ADAM9: variants seen among roughly 807,000 people sequenced by gnomAD.
ADAM9 encodes disintegrin and metalloproteinase domain-containing protein 9.
Under a neutral mutation model 108.1 loss-of-function variants are expected in ADAM9, and 54 were observed. The ratio of observed to expected loss-of-function variants is 0.50; its 90% CI spans 0.40 to 0.63. The LOEUF (loss-of-function observed/expected upper bound fraction) is 0.63, where lower values mean the gene tolerates loss of function less well. Among genes scored for constraint, ADAM9 ranks in the 20% least tolerant of loss-of-function variants. The pLI, the probability that ADAM9 is intolerant of heterozygous loss-of-function variation, is 0.00. For synonymous variants in ADAM9, 316 were observed against 336.0 expected (o/e 0.94, Z 0.65); for missense variants, 830 against 997.7 (o/e 0.83, Z 2.26).
intron 12 of ADAM9, among the ~76,000 whole-genome samples, chr8:39,051,179 G>A (rs1477826472): frequency 2.6e-5 from 4 of 152,128 alleles, no homozygotes; most frequent in Admixed American, 2.0e-4. Context: ...GAGATAGAAG[G>A]TAGTCCCTCA....
At chr8:39,000,144 C>A (rs1365125689) in intron 1 of ADAM9, among the ~76,000 whole-genome samples, 1 of 151,986 alleles carries the variant, frequency 6.6e-6, no homozygotes, top group Non-Finnish European at 1.5e-5. Context: ...CCTGCCTCAG[C>A]CTTATGCCTG....
intron 14 of ADAM9, among the ~76,000 whole-genome samples, chr8:39,064,540 A>T (rs1335205172): frequency 6.6e-6 from 1 of 152,248 alleles, no homozygotes; most frequent in Non-Finnish European, 1.5e-5. Context: ...ATGATGGTTT[A>T]GTTCCAGTCC....
intron 12 of ADAM9, among the ~76,000 whole-genome samples, chr8:39,045,277 T>C (rs991898147): frequency 7.0e-6 from 1 of 142,124 alleles, no homozygotes; most frequent in Non-Finnish European, 1.5e-5. Flanking sequence ...TATACATACA[T>C]ATGTATATGT....
At chr8:39,094,035 G>A (rs979013509) in intron 20 of ADAM9, among the ~76,000 whole-genome samples, 7 of 152,184 alleles carry the variant, frequency 4.6e-5, no homozygotes, top group Non-Finnish European at 1.0e-4. Flanking sequence ...GCCTCCCAAA[G>A]TGCTGGGATT....
chr8:39,045,536 G>A (rs1268531388), intron 12 of ADAM9, among the ~76,000 whole-genome samples: 6 of 130,754 alleles, frequency 4.6e-5, no homozygotes, highest in Non-Finnish European at 9.7e-5. Context: ...GTGCATATGT[G>A]TGTATATATG....
rs192603098 is a variant in ADAM9, at chr8:38,999,924, C to T, written c.97+2764C>T. Among the ~76,000 whole-genome samples, 9 of 152,294 alleles carry T rather than the reference C, an allele frequency of 5.9e-5. No individual in the cohort carries two copies. The East Asian group carries it at 1.5e-3, about 26-fold the overall frequency. Reference sequence around the variant, plus strand: ...TTTCTTTTTCCTTTTTGGTATGTAACATATACTGGAGGCTTGGAGTCATGC... The same window carrying T: ...TTTCTTTTTCCTTTTTGGTATGTAATATATACTGGAGGCTTGGAGTCATGC... On this transcript the variant is annotated intron_variant, in intron 1 of 21. Coordinates refer to ENST00000487273, the MANE Select transcript of ADAM9 (RefSeq NM_003816.3).
chr8:39,030,135 A>G (rs1461206539), intron 11 of ADAM9, among the ~76,000 whole-genome samples: 2 of 152,138 alleles, frequency 1.3e-5, no homozygotes, highest in East Asian at 3.9e-4. Context: ...TTTATGGTTC[A>G]GTCTTGGTGT....
intron 12 of ADAM9, among the ~76,000 whole-genome samples, chr8:39,042,660 T>A (rs1837489197): frequency 1.3e-5 from 2 of 152,322 alleles, no homozygotes; most frequent in Non-Finnish European, 1.5e-5. Flanking sequence ...TTATGTTTGA[T>A]GTTTTTCTTT....
intron 1 of ADAM9, among the ~76,000 whole-genome samples, chr8:39,002,033 TAA>T (rs35778686): frequency 1.9e-3 from 203 of 108,570 alleles, no homozygotes; most frequent in African/African-American, 5.6e-3. Flanking sequence ...CTAGAATGAT[TAA>T]AAAAAAAAAA....
At chr8:39,025,417 A>G (rs931183205) in intron 9 of ADAM9, among the ~76,000 whole-genome samples, 1 of 151,808 alleles carries the variant, frequency 6.6e-6, no homozygotes, top group African/African-American at 2.4e-5. Context: ...CCTCATGTTC[A>G]CCCTGCTCAC....
At chr8:39,045,435 TGC>T (rs1359493555) in intron 12 of ADAM9, among the ~76,000 whole-genome samples, 3,668 of 121,194 alleles carry the variant, frequency 0.03, 267 homozygotes, top group Non-Finnish European at 0.043. Context: ...CACCTATATG[TGC>T]GCGTGTGTAC....
In ADAM9 at chr8:39,104,279, CAT is replaced by C. The variant is rs1463682481; in HGVS notation, c.*582_*583del. On this transcript the variant is annotated 3_prime_UTR_variant, in exon 22 of 22. Coordinates refer to ENST00000487273, the MANE Select transcript of ADAM9 (RefSeq NM_003816.3). ...TGCACAAGAACCACAATTAAGATGT[CAT>C]ATTATTTTGAAAGTACAAAATATAC... 1 of 452,618 alleles carries C rather than the reference CAT, an allele frequency of 2.2e-6. No individual in the cohort carries two copies. The highest frequency in any genetic ancestry group is 4.4e-6 in the Non-Finnish European group (1 of 225,790). The allele number at this position is 452,618 out of a possible 1,614,324, so 28.0% of individuals were successfully genotyped here.
intron 1 of ADAM9, 116 bp downstream of exon 1, chr8:38,997,276 T>C: frequency 8.0e-7 from 1 of 1,253,934 alleles, no homozygotes; most frequent in Non-Finnish European, 1.1e-6. Flanking sequence ...GGACCCGGGG[T>C]CGGGGGGCGC....
chr8:39,026,727 G>A lies in ADAM9; in HGVS notation c.1047G>A (p.Leu349=). ...ETFASIVAHE[L]GHNLGMNHDD... ...TTGCTTCCATTGTTGCTCATGAATT[G>A]GGTCATAATCTTGGAATGAATCACG... Residue 349 remains leucine, a synonymous_variant, in exon 11 of 22, where the codon TTG becomes TTA. Transcript: ENST00000487273. 6.2e-7 allele frequency: 1 copy of A among 1,614,156 alleles called. No homozygotes were observed. The highest frequency in any genetic ancestry group is 1.1e-5 in the South Asian group (1 of 91,080).
At chr8:39,055,098 C>T (rs1838076576) in intron 13 of ADAM9, among the ~76,000 whole-genome samples, 1 of 151,898 alleles carries the variant, frequency 6.6e-6, no homozygotes, top group African/African-American at 2.4e-5. Flanking sequence ...ATAGTTGTAC[C>T]ATAATTTCTT....
intron 1 of ADAM9, among the ~76,000 whole-genome samples, chr8:39,002,655 GTAC>G (rs1466538896): frequency 6.6e-6 from 1 of 151,942 alleles, no homozygotes; most frequent in African/African-American, 2.4e-5. Flanking sequence ...TCACTTCCCT[GTAC>G]TACAATTACT....
At chr8:39,070,078 G>A (rs1489431422) in intron 14 of ADAM9, among the ~76,000 whole-genome samples, 3 of 145,112 alleles carry the variant, frequency 2.1e-5, no homozygotes, top group African/African-American at 7.7e-5. Context: ...ACTTTAGCCT[G>A]TGAGGTAAAG....
chr8:39,045,396 ACACACCTATATGTGCGCGTGTG>A (rs1837702103), intron 12 of ADAM9, among the ~76,000 whole-genome samples: 1 of 145,314 alleles, frequency 6.9e-6, no homozygotes, highest in Non-Finnish European at 1.5e-5. Context: ...GTGTGTGTAC[ACACACCTATATGTGCGCGTGTG>A]TACACACACC....
At chr8:39,084,221 A>G (rs1839110809) in intron 18 of ADAM9, among the ~76,000 whole-genome samples, 1 of 152,062 alleles carries the variant, frequency 6.6e-6, no homozygotes, top group Non-Finnish European at 1.5e-5. Context: ...CACTGATTCA[A>G]GTATTCAAGT....
Sources: allele counts gnomAD v4.1 joint callset (sites outside exome capture counted in the v4.1 genomes callset), GRCh38; gene constraint gnomAD v4.1.1; transcripts MANE v1.5; gene names NCBI Gene and HGNC (gene_info 2026-07-23, HGNC 2026-07-21).